The following PCDHGB2 variants were observed in gnomAD, a reference collection of about 807,000 sequenced individuals.
PCDHGB2 encodes the protein protocadherin gamma subfamily B, 2.
A neutral mutation model predicts 59.3 loss-of-function variants in PCDHGB2; 55 were observed. That is an observed-to-expected ratio of 0.93 (90% CI 0.75 to 1.16). The LOEUF (loss-of-function observed/expected upper bound fraction) is 1.16. Among genes scored for constraint, PCDHGB2 ranks in the 50% most tolerant of loss-of-function variants. PCDHGB2 has a pLI of 0.00. For missense variants in PCDHGB2, 1,228 were observed against 1,198.5 expected (o/e 1.02, Z -0.36); for synonymous variants, 516 against 512.0 (o/e 1.01, Z -0.11).
At chr5:141,380,599 A>G (rs1427125974) in intron 1 of PCDHGB2, among the ~76,000 whole-genome samples, 3 of 152,234 alleles carry the variant, frequency 2.0e-5, no homozygotes, top group Non-Finnish European at 2.9e-5. Context: ...GATCTTTAAT[A>G]TTTAATTTTA....
chr5:141,506,760 G>A (rs1018086132), intron 3 of PCDHGB2, among the ~76,000 whole-genome samples: 1 of 152,128 alleles, frequency 6.6e-6, no homozygotes, highest in Non-Finnish European at 1.5e-5. Context: ...CTAGCTTCTG[G>A]AGCAGCAAAT....
chr5:141,413,090 C>T, intron 1 of PCDHGB2: 1 of 1,391,312 alleles, frequency 7.2e-7, no homozygotes, highest in South Asian at 1.4e-5. Flanking sequence ...ACAGAGACAC[C>T]CTGAAGCCAC....
At position 141,431,851 on chromosome 5, in the gene PCDHGB2, A is replaced by G. The variant is rs2097423722; in HGVS notation, c.2422-62956A>G. 1 of 1,614,264 alleles carries G rather than the reference A, an allele frequency of 6.2e-7. No individual in the cohort carries two copies. The highest frequency in any genetic ancestry group is 1.1e-5 in the South Asian group (1 of 91,088). ...TTCCCGAAAACTCTCCCAGAGGGAC[A>G]TTAATTGCCCTTTTAAATGTAAATG... On this transcript the variant is annotated intron_variant, in intron 1 of 3. Coordinates refer to ENST00000522605, the MANE Select transcript of PCDHGB2 (RefSeq NM_018923.3). This position sits in a 1 kb window ranked among gnomAD's most constrained non-coding sequence, Gnocchi z 4.8.
At chr5:141,376,311 T>C (rs376213960) in intron 1 of PCDHGB2, 29 of 1,613,880 alleles carry the variant, frequency 1.8e-5, no homozygotes, top group Non-Finnish European at 2.4e-5. Flanking sequence ...TTTGTGGGCG[T>C]GGAAGGGGTT....
In PCDHGB2 at chr5:141,485,697, A is replaced by G. The variant is rs76923861; in HGVS notation, c.2422-9110A>G. 48,100 of 1,614,036 alleles carry G rather than the reference A, an allele frequency of 0.03. 1,433 individuals carry two copies. Among genetic ancestry groups the G allele is most frequent in the African/African-American group, 0.15 (11,542 of 75,006 alleles). The stretch of plus-strand genomic sequence containing the variant: ...ATTAGCAGCTATAGGCTGAGCTCCA[A>G]TGAACACTTTGCACTGGATGTGAAG... On this transcript the variant is annotated intron_variant, in intron 1 of 3. Transcript: ENST00000522605. The surrounding 1 kb of genome is among the most constrained non-coding windows in gnomAD (Gnocchi z 5.7).
chr5:141,419,469 A>G, intron 1 of PCDHGB2: 1 of 1,612,490 alleles, frequency 6.2e-7, no homozygotes, highest in South Asian at 1.1e-5. Context: ...GCCCGCGACC[A>G]GGGCTCGCCC....
chr5:141,418,714 T>C, intron 1 of PCDHGB2: 4 of 1,614,000 alleles, frequency 2.5e-6, no homozygotes, highest in Non-Finnish European at 3.4e-6. Flanking sequence ...TTGGTGTGGC[T>C]GACAAAGCTC....
chr5:141,422,569 G>C, intron 1 of PCDHGB2: 2 of 1,613,984 alleles, frequency 1.2e-6, no homozygotes, highest in Non-Finnish European at 1.7e-6. Flanking sequence ...AGATGACAAC[G>C]ATAACCCTCC....
chr5:141,403,694 C>T (rs746395931), intron 1 of PCDHGB2: 3 of 1,613,760 alleles, frequency 1.9e-6, no homozygotes, highest in Admixed American at 3.3e-5. Flanking sequence ...ACGGATTTAC[C>T]GAGTTAAAGT....
intron 1 of PCDHGB2, chr5:141,404,272 G>A (rs2094505108): frequency 6.2e-7 from 1 of 1,613,834 alleles, no homozygotes; most frequent in Non-Finnish European, 8.5e-7. Flanking sequence ...ACATCACCCT[G>A]CAAGTGACTG....
chr5:141,421,054 A>G, intron 1 of PCDHGB2: 3 of 571,978 alleles, frequency 5.2e-6, no homozygotes, highest in Non-Finnish European at 9.0e-6. Context: ...CGCCTCTACC[A>G]CACAAAGCGG....
intron 1 of PCDHGB2, among the ~76,000 whole-genome samples, chr5:141,472,102 T>C (rs1231168102): frequency 6.6e-6 from 1 of 152,240 alleles, no homozygotes; most frequent in Non-Finnish European, 1.5e-5. Flanking sequence ...ATTCCCATTT[T>C]ATACATAAAG....
chr5:141,377,812 C>T (rs535022477), intron 1 of PCDHGB2: 1 of 152,244 alleles, frequency 6.6e-6, no homozygotes, highest in Admixed American at 6.5e-5. Flanking sequence ...CTGTTATTTA[C>T]TTGGGCCAGT....
Position 141,421,718 on chromosome 5 carries a change from G to A in PCDHGB2, c.2421+59162G>A, listed in dbSNP as rs778263773. On this transcript the variant is annotated intron_variant, in intron 1 of 3. Transcript: ENST00000522605. ...CCTAATGCTAGGGATCCAGATGTGGGCGTGAACTCCCTCCAGAGCTACCAG... is the reference window on the plus strand; with the variant it reads ...CCTAATGCTAGGGATCCAGATGTGGACGTGAACTCCCTCCAGAGCTACCAG... 3.1e-6 allele frequency: 5 copies of A among 1,613,848 alleles called. No homozygotes were observed. The highest frequency in any genetic ancestry group is 2.7e-5 in the African/African-American group (2 of 74,938).
intron 1 of PCDHGB2, chr5:141,418,230 A>T (rs745395585): frequency 6.2e-7 from 1 of 1,614,058 alleles, no homozygotes; most frequent in Non-Finnish European, 8.5e-7. Context: ...GTGGTGATTG[A>T]GGATGTTAAT....
intron 1 of PCDHGB2, chr5:141,372,040 G>C (rs1768337326): frequency 6.2e-7 from 1 of 1,613,472 alleles, no homozygotes; most frequent in Middle Eastern, 1.7e-4. Flanking sequence ...GTGAGCCTGC[G>C]CGTGTTGGTG....
intron 1 of PCDHGB2, among the ~76,000 whole-genome samples, chr5:141,362,829 T>A (rs1211697961): frequency 6.6e-6 from 1 of 152,260 alleles, no homozygotes. Flanking sequence ...GATTTGTTGC[T>A]ATTGAGACTT....
Position 141,383,322 on chromosome 5 carries a change from A to G in PCDHGB2, c.2421+20766A>G, listed in dbSNP as rs369432251. 6.8e-6 allele frequency: 11 copies of G among 1,613,876 alleles called. No homozygotes were observed. The African/African-American group carries it at 1.3e-4, about 20-fold the overall frequency. ...TCTTGACGGAAGAAATAAATGTAAA[A>G]ATAATGGAGAATACAGCTCCTGGGG... is the stretch of plus-strand genomic sequence containing the variant. On this transcript the variant is annotated intron_variant, in intron 1 of 3. Coordinates refer to ENST00000522605, the MANE Select transcript of PCDHGB2 (RefSeq NM_018923.3).
chr5:141,482,995 G>A (rs1395482427), intron 1 of PCDHGB2, among the ~76,000 whole-genome samples: 1 of 152,048 alleles, frequency 6.6e-6, no homozygotes, highest in Non-Finnish European at 1.5e-5. Flanking sequence ...CGAGGCAGGA[G>A]AATTGCTTGA....
Sources: allele counts gnomAD v4.1 joint callset (sites outside exome capture counted in the v4.1 genomes callset), GRCh38; gene constraint gnomAD v4.1.1; non-coding constraint Gnocchi (gnomAD v3.1); transcripts MANE v1.5; gene names NCBI Gene and HGNC (gene_info 2026-07-23, HGNC 2026-07-21).